WNT8B: variants seen among roughly 807,000 people sequenced by gnomAD.
WNT8B encodes protein Wnt-8b.
A neutral mutation model predicts 36.6 loss-of-function variants in WNT8B; 24 were observed. That is an observed-to-expected ratio of 0.66 (90% CI 0.48 to 0.92). The LOEUF is 0.92. Among genes scored for constraint, WNT8B ranks in the 40% least tolerant of loss-of-function variants. The pLI, the probability that WNT8B is intolerant of heterozygous loss-of-function variation, is 0.00. For missense variants in WNT8B, 402 were observed against 470.8 expected, an observed-to-expected ratio of 0.85 and a Z score of 1.35; for synonymous variants, 199 against 189.8, an observed-to-expected ratio of 1.05 and a Z score of -0.40.
rs76892223 is a variant in WNT8B at position 100,473,535 on chromosome 10, C to T, written c.69-5517C>T. ...TAGATAGAATCATATCATTTATGGC[C>T]TTTTGTGTCTGGCTTCTTTCACTCA... On this transcript the variant is annotated intron_variant, in intron 1 of 5. Transcript: ENST00000343737. 5.8e-3 allele frequency among the ~76,000 whole-genome samples: 878 copies of T among 152,240 alleles called. 4 individuals carry two copies. Among genetic ancestry groups the T allele is most frequent in the African/African-American group, 0.02 (811 of 41,548 alleles).
chr10:100,470,210 C>T (rs144079447), intron 1 of WNT8B, among the ~76,000 whole-genome samples: 17 of 152,208 alleles, frequency 1.1e-4, no homozygotes, highest in Non-Finnish European at 1.9e-4. Flanking sequence ...ACTGCAGCCT[C>T]GACCTCCCTA....
At chr10:100,466,619 A>T (rs2133649409) in intron 1 of WNT8B, among the ~76,000 whole-genome samples, 1 of 152,202 alleles carries the variant, frequency 6.6e-6, no homozygotes, top group Admixed American at 6.5e-5. Context: ...TTTTAGTTTT[A>T]GTTTTTGGTG....
chr10:100,463,383 T>C, intron 1 of WNT8B, 147 bp downstream of exon 1: 1 of 659,296 alleles, frequency 1.5e-6, no homozygotes, highest in Non-Finnish European at 2.5e-6. Context: ...TCTTCCTAAA[T>C]TTATGGCTGA....
At chr10:100,481,886 C>G in intron 4 of WNT8B, 26 bp from the exon 5 acceptor site, 1 of 1,610,304 alleles carries the variant, frequency 6.2e-7, no homozygotes. Context: ...TGCTCAATGA[C>G]CTGTCCTCCC....
Position 100,481,077 on chromosome 10 carries a change from A to G in WNT8B, c.321A>G (p.Gly107=). The G allele has an allele frequency of 6.2e-7, 1 of 1,614,056 alleles. No homozygotes were observed. The highest frequency in any genetic ancestry group is 8.5e-7 in the Non-Finnish European group (1 of 1,180,002). Residue 107 remains glycine, a synonymous_variant, in exon 4 of 6, where the codon GGA becomes GGG. Transcript: ENST00000343737. ...CCCTGACTAGAAACTGCAGCCTTGG[A>G]GATTTTGATAACTGTGGCTGTGATG... ...MYTLTRNCSL[G]DFDNCGCDDS...
chr10:100,466,076 T>TA (rs938611811), intron 1 of WNT8B, among the ~76,000 whole-genome samples: 1 of 151,696 alleles, frequency 6.6e-6, no homozygotes. Context: ...ACTAACAGAT[T>TA]AAAAAAAACC....
intron 1 of WNT8B, among the ~76,000 whole-genome samples, chr10:100,473,986 C>T (rs1474141447): frequency 1.3e-5 from 2 of 152,108 alleles, no homozygotes; most frequent in Non-Finnish European, 2.9e-5. Flanking sequence ...GAGGAACAGT[C>T]CTTTACTTAG....
Position 100,469,277 on chromosome 10 carries a change from T to C in WNT8B, c.68+6041T>C, listed in dbSNP as rs917985065. On this transcript the variant is annotated intron_variant, in intron 1 of 5. Coordinates refer to ENST00000343737, the MANE Select transcript of WNT8B (RefSeq NM_003393.4). ...AACCAGTTAGCACTAGCTACTTTCA[T>C]GTCATAACTCCTCACTCTCTGCAAT... Among the ~76,000 whole-genome samples the C allele has an allele frequency of 2.0e-4, 30 of 152,230 alleles. 1 individual carries two copies. Among genetic ancestry groups the C allele is most frequent in the Admixed American group, 1.3e-4 (2 of 15,282 alleles).
intron 1 of WNT8B, among the ~76,000 whole-genome samples, chr10:100,467,401 T>G (rs1356115990): frequency 6.6e-6 from 1 of 152,146 alleles, no homozygotes; most frequent in African/African-American, 2.4e-5. Flanking sequence ...GTAGTCCCAA[T>G]AAGACCCTAT....
rs778066273 is a variant in WNT8B, at chr10:100,482,817, G to A, written c.*1G>A. 1.3e-6 allele frequency: 2 copies of A among 1,540,362 alleles called. No individual in the cohort carries two copies. Among genetic ancestry groups the A allele is most frequent in the East Asian group, 4.7e-5 (2 of 42,862 alleles). On this transcript the variant is annotated 3_prime_UTR_variant, in exon 6 of 6. Coordinates refer to ENST00000343737, the MANE Select transcript of WNT8B (RefSeq NM_003393.4). The surrounding 1 kb of genome is among the most constrained non-coding windows in gnomAD (Gnocchi z 6.6). Reference sequence around the variant, plus strand: ...GCACAAACCCGGGAGAAAACCCTAAGGGTTTCCTCTGCCCCCTCCTTTTCC... The same window carrying A: ...GCACAAACCCGGGAGAAAACCCTAAAGGTTTCCTCTGCCCCCTCCTTTTCC...
chr10:100,480,934 C>T (rs1049997368), intron 3 of WNT8B, 64 bp from the exon 4 acceptor site: 41 of 1,561,182 alleles, frequency 2.6e-5, no homozygotes, highest in Non-Finnish European at 3.6e-5. Flanking sequence ...AGAAAGGTAG[C>T]ATGTCTGGTA....
At chr10:100,481,799 C>A in intron 4 of WNT8B, 113 bp from the exon 5 acceptor site, 1 of 1,454,788 alleles carries the variant, frequency 6.9e-7, no homozygotes, top group Non-Finnish European at 9.2e-7. Flanking sequence ...CTCGCCCAAC[C>A]TTAATCCTCT....
At chr10:100,473,088 A>G (rs1406164945) in intron 1 of WNT8B, among the ~76,000 whole-genome samples, 1 of 152,156 alleles carries the variant, frequency 6.6e-6, no homozygotes, top group African/African-American at 2.4e-5. Context: ...ACTATGTTCA[A>G]AGTACTAGAT....
Position 100,482,191 on chromosome 10 carries a change from A to G in WNT8B, c.511-80A>G. On this transcript the variant is annotated intron_variant, in intron 5 of 5. Coordinates refer to ENST00000343737, the MANE Select transcript of WNT8B (RefSeq NM_003393.4). This position sits in a 1 kb window ranked among gnomAD's most constrained non-coding sequence, Gnocchi z 6.6. ...TGGGCTGGCCCAGTAGACTAACTAG[A>G]CTTCTCGCAACTCCCACAGGGGCAG... 1.3e-6 allele frequency: 2 copies of G among 1,532,410 alleles called. No individual in the cohort carries two copies. The highest frequency in any genetic ancestry group is 2.3e-5 in the East Asian group (1 of 43,580). 94.9% of individuals were successfully genotyped at this position (1,532,410 alleles called of 1,614,324 possible). A position where few individuals can be genotyped will look rare whatever the true frequency, so the allele number is the denominator to read the frequency against.
rs759970125 is a variant in WNT8B at position 100,482,229 on chromosome 10, C to T, written c.511-42C>T. On this transcript the variant is annotated intron_variant, in intron 5 of 5. Coordinates refer to ENST00000343737, the MANE Select transcript of WNT8B (RefSeq NM_003393.4). This position sits in a 1 kb window ranked among gnomAD's most constrained non-coding sequence, Gnocchi z 6.6. Reference sequence around the variant, plus strand: ...CCCACAGGGGCAGTTAAACTCGCCACGCGCTTAATCCGGGGCCTCTCACTC... The same window carrying T: ...CCCACAGGGGCAGTTAAACTCGCCATGCGCTTAATCCGGGGCCTCTCACTC... The T allele has an allele frequency of 3.9e-6, 6 of 1,543,430 alleles. No individual in the cohort carries two copies. Among genetic ancestry groups the T allele is most frequent in the South Asian group, 1.2e-5 (1 of 82,028 alleles).
Position 100,482,009 on chromosome 10 carries a change from T to C in WNT8B, c.465T>C (p.Asp155=). The change falls in exon 5 of 6, where the codon GAT becomes GAC. Residue 155 remains aspartate, a synonymous_variant. Coordinates refer to ENST00000343737, the MANE Select transcript of WNT8B (RefSeq NM_003393.4). This position sits in a 1 kb window ranked among gnomAD's most constrained non-coding sequence, Gnocchi z 6.6. ...QFVDALETGQ[D]ARAAMNLHNN... ...TCGATGCCCTGGAAACAGGACAGGA[T>C]GCACGGGCAGCCATGAACCTGCACA... 1.2e-6 allele frequency: 2 copies of C among 1,614,174 alleles called. No homozygotes were observed. The highest frequency in any genetic ancestry group is 1.1e-5 in the South Asian group (1 of 91,078).
Position 100,474,849 on chromosome 10 carries a change from C to T in WNT8B, c.69-4203C>T. On this transcript the variant is annotated intron_variant, in intron 1 of 5. Transcript: ENST00000343737. ...AAGTGCTGGGATTACAGGCGTGAGC[C>T]ACTGCACCCAGCTGAGTCTTTTCTT... Among the ~76,000 whole-genome samples, 2 of 151,674 alleles carry T rather than the reference C, an allele frequency of 1.3e-5. 1 individual carries two copies. Among genetic ancestry groups the T allele is most frequent in the Middle Eastern group, 6.3e-3 (2 of 316 alleles).
intron 1 of WNT8B, among the ~76,000 whole-genome samples, chr10:100,474,217 T>G (rs1254907682): frequency 6.6e-6 from 1 of 152,182 alleles, no homozygotes; most frequent in African/African-American, 2.4e-5. Context: ...TGGGTAATAT[T>G]GTCAGCAACT....
In WNT8B at chr10:100,481,040, G is replaced by C. The variant is rs774427022; in HGVS notation, c.284G>C (p.Gly95Ala). The part of the protein sequence containing the change: ...TAFVHAISSA[G>A]VMYTLTRNCS... ...TTTGTGCATGCCATCAGTTCTGCTG[G>C]AGTCATGTACACCCTGACTAGAAAC... The change falls in exon 4 of 6, where the codon GGA becomes GCA. Residue 95 changes from glycine (G) to alanine (A), a missense_variant. By Grantham distance (60) the Gly-to-Ala change is moderately conservative. Around this residue, in one of 3 missense-constraint regions of WNT8B, gnomAD observed 131 missense variants for 152.6 expected, o/e 0.86. Coordinates refer to ENST00000343737, the MANE Select transcript of WNT8B (RefSeq NM_003393.4). 6.2e-6 allele frequency: 10 copies of C among 1,613,920 alleles called. No homozygotes were observed. Among genetic ancestry groups the C allele is most frequent in the South Asian group, 2.2e-5 (2 of 91,082 alleles).
Sources: gnomAD v4.1 joint callset for allele counts (sites outside exome capture counted in the v4.1 genomes callset) on GRCh38, gnomAD v4.1.1 for gene constraint, gnomAD v4.1.1 regional missense constraint, Gnocchi (gnomAD v3.1) non-coding constraint, MANE v1.5 for transcripts, NCBI Gene and HGNC (gene_info 2026-07-23, HGNC 2026-07-21) for gene names.